CLYBL: variants seen among roughly 807,000 people sequenced by gnomAD.
CLYBL encodes the protein citramalyl-CoA lyase, mitochondrial.
Under a neutral mutation model 38.9 loss-of-function variants are expected in CLYBL, and 31 were observed. That is an observed-to-expected ratio of 0.80 (90% CI 0.60 to 1.08). The LOEUF (loss-of-function observed/expected upper bound fraction) is 1.08, where lower values mean the gene tolerates loss of function less well. CLYBL is among the 50% of genes least tolerant of loss of function. CLYBL has a pLI of 0.00. For missense variants in CLYBL, 434 were observed against 411.6 expected, an observed-to-expected ratio of 1.05 and a Z score of -0.47; for synonymous variants, 171 against 158.6, an observed-to-expected ratio of 1.08 and a Z score of -0.59.
At chr13:99,754,416 CA>C (rs1172376194) in intron 1 of CLYBL, among the ~76,000 whole-genome samples, 1,565 of 71,852 alleles carry the variant, frequency 0.022, 29 homozygotes, top group Middle Eastern at 0.073. Context: ...GACCCTGTCT[CA>C]AAAAAAAAAA....
intron 1 of CLYBL, among the ~76,000 whole-genome samples, chr13:99,689,115 A>C (rs1346943400): frequency 6.6e-6 from 1 of 152,206 alleles, no homozygotes. Context: ...CCCAGCATCT[A>C]GCCCTTGGGA....
At chr13:99,904,585 G>C (rs1221128877) in intron 8 of CLYBL, among the ~76,000 whole-genome samples, 1 of 152,338 alleles carries the variant, frequency 6.6e-6, no homozygotes, top group South Asian at 2.1e-4. Context: ...TCAGCCACAC[G>C]TGTATGGATG....
chr13:99,817,342 G>C (rs571283994), intron 2 of CLYBL, among the ~76,000 whole-genome samples: 19 of 152,276 alleles, frequency 1.2e-4, no homozygotes, highest in African/African-American at 4.1e-4. Context: ...GAGGGAAAGT[G>C]ATTAAGAGAG....
chr13:99,846,345 G>A lies in CLYBL; in HGVS notation c.250-12516G>A, dbSNP rs189248548. ...CTTACTCTGTCACCCAGGCTGGAGTGCAGTGTCATGATCTCAGCTCACTGC... is the reference window on the plus strand; with the variant it reads ...CTTACTCTGTCACCCAGGCTGGAGTACAGTGTCATGATCTCAGCTCACTGC... On this transcript the variant is annotated intron_variant, in intron 2 of 8. Transcript: ENST00000339105. 1.5e-3 allele frequency among the ~76,000 whole-genome samples: 206 copies of A among 140,380 alleles called. 3 individuals carry two copies. Among genetic ancestry groups the A allele is most frequent in the African/African-American group, 4.7e-3 (179 of 37,888 alleles). The allele number at this position is 140,380 out of a possible 152,430, so 92.1% of individuals were successfully genotyped here. A position where few individuals can be genotyped will look rare whatever the true frequency, so the allele number is the denominator to read the frequency against.
intron 2 of CLYBL, among the ~76,000 whole-genome samples, chr13:99,852,038 A>G (rs752616184): frequency 6.6e-6 from 1 of 152,228 alleles, no homozygotes; most frequent in Non-Finnish European, 1.5e-5. Flanking sequence ...AGGTGCTACA[A>G]CATGAATGAA....
chr13:99,717,114 C>T (rs2048328762), intron 1 of CLYBL, among the ~76,000 whole-genome samples: 1 of 151,638 alleles, frequency 6.6e-6, no homozygotes, highest in African/African-American at 2.4e-5. Context: ...TCTTGAACCG[C>T]TTGTATAAGA....
At chr13:99,846,680 C>G (rs2051213719) in intron 2 of CLYBL, among the ~76,000 whole-genome samples, 2 of 152,332 alleles carry the variant, frequency 1.3e-5, no homozygotes, top group South Asian at 4.1e-4. Flanking sequence ...CTGAAATTAG[C>G]ATTGGCTCAG....
At chr13:99,646,321 G>A (rs1342613540) in intron 1 of CLYBL, among the ~76,000 whole-genome samples, 1 of 152,000 alleles carries the variant, frequency 6.6e-6, no homozygotes, top group African/African-American at 2.4e-5. Context: ...ATAGGAGTTT[G>A]GGGTGGCCTG....
intron 1 of CLYBL, among the ~76,000 whole-genome samples, chr13:99,662,021 T>C (rs896332740): frequency 6.6e-6 from 1 of 152,166 alleles, no homozygotes; most frequent in Non-Finnish European, 1.5e-5. Flanking sequence ...AGGGAGGAGC[T>C]AATGTGGAAT....
intron 1 of CLYBL, among the ~76,000 whole-genome samples, chr13:99,764,156 T>C (rs1297424437): frequency 1.3e-5 from 2 of 151,912 alleles, no homozygotes; most frequent in Non-Finnish European, 2.9e-5. Flanking sequence ...TCTGCTAGGC[T>C]CAAGGGATTC....
At chr13:99,727,847 G>T (rs1029987910) in intron 1 of CLYBL, among the ~76,000 whole-genome samples, 7 of 152,154 alleles carry the variant, frequency 4.6e-5, no homozygotes, top group African/African-American at 1.7e-4. Context: ...AGAGGCCGAG[G>T]TGGGCGGATC....
intron 2 of CLYBL, among the ~76,000 whole-genome samples, chr13:99,815,827 A>G (rs2050434817): frequency 6.6e-6 from 1 of 152,202 alleles, no homozygotes. Context: ...CAGTGAGCCA[A>G]GATCGCGCCA....
rs1455051943 is a variant in CLYBL at position 99,885,196 on chromosome 13, G to A, written c.928-6122G>A. 37 of 443,186 alleles carry A rather than the reference G, an allele frequency of 8.3e-5. No individual in the cohort carries two copies. The Admixed American group carries it at 8.9e-4, about 11-fold the overall frequency. The allele number at this position is 443,186 out of a possible 1,614,324, so 27.5% of individuals were successfully genotyped here. A position where few individuals can be genotyped will look rare whatever the true frequency, so the allele number is the denominator to read the frequency against. On this transcript the variant is annotated intron_variant, in intron 7 of 8. Transcript: ENST00000339105. ...AATACTCTCACTAGATGGGAACACA[G>A]GCTATACAGAGAGCTGTACAGGGAA...
chr13:99,709,153 T>C (rs1316628319), intron 1 of CLYBL, among the ~76,000 whole-genome samples: 3 of 151,992 alleles, frequency 2.0e-5, no homozygotes, highest in Non-Finnish European at 4.4e-5. Context: ...ATGATTGCTG[T>C]CCTTAAAAAA....
rs192962889 is a variant in CLYBL, at chr13:99,714,921, C to T, written c.63-57903C>T. Among the ~76,000 whole-genome samples the T allele has an allele frequency of 6.6e-5, 10 of 152,154 alleles. No individual in the cohort carries two copies. In the East Asian group the frequency reaches 1.9e-3, roughly 29 times the overall value. On this transcript the variant is annotated intron_variant, in intron 1 of 8. Coordinates refer to ENST00000339105, the MANE Select transcript of CLYBL (RefSeq NM_206808.5). ...CCGAGATCATACCACTATACTCTAG[C>T]CTGGGCAACAGAGCGAGACTCTGTC...
At chr13:99,887,690 C>T (rs979802541) in intron 7 of CLYBL, among the ~76,000 whole-genome samples, 1 of 152,134 alleles carries the variant, frequency 6.6e-6, no homozygotes, top group Non-Finnish European at 1.5e-5. Context: ...GAGGTCGAGG[C>T]TGCAGTAAGC....
chr13:99,863,046 A>C lies in CLYBL; in HGVS notation c.494A>C (p.Asn165Thr). The C allele has an allele frequency of 1.2e-6, 2 of 1,610,994 alleles. No individual in the cohort carries two copies. The highest frequency in any genetic ancestry group is 1.7e-6 in the Non-Finnish European group (2 of 1,178,668). ...LKGRKLEQPM[N>T]LIPFVETAMG... Reference sequence around the variant, plus strand: ...GGCCGAAAACTTGAACAACCAATGAATTTAATCCCTTTTGTGGAAACTGCA... The same window carrying C: ...GGCCGAAAACTTGAACAACCAATGACTTTAATCCCTTTTGTGGAAACTGCA... The change falls in exon 4 of 9, where the codon AAT becomes ACT. Residue 165 changes from asparagine to threonine, a missense_variant. Physicochemically the swap from Asn to Thr is moderately conservative, Grantham distance 65. Coordinates refer to ENST00000339105, the MANE Select transcript of CLYBL (RefSeq NM_206808.5).
chr13:99,610,575 T>G (rs772133527), intron 1 of CLYBL, among the ~76,000 whole-genome samples: 9 of 152,192 alleles, frequency 5.9e-5, no homozygotes, highest in Non-Finnish European at 1.3e-4. Flanking sequence ...TTTCCTTAAA[T>G]TCCTGGAACC....
intron 3 of CLYBL, among the ~76,000 whole-genome samples, chr13:99,860,284 T>A (rs1245851732): frequency 6.6e-6 from 1 of 152,208 alleles, no homozygotes. Context: ...ACTATTAAAA[T>A]TAAATTCACC....
Sources: allele counts gnomAD v4.1 joint callset (sites outside exome capture counted in the v4.1 genomes callset), GRCh38; gene constraint gnomAD v4.1.1; transcripts MANE v1.5; gene names NCBI Gene and HGNC (gene_info 2026-07-23, HGNC 2026-07-21).